Variants in IGSF11 observed in about 807,000 individuals in gnomAD.
The protein encoded by IGSF11 is immunoglobulin superfamily member 11, also known as CXADR like 1.
IGSF11 carries 22 observed loss-of-function variants against 41.0 expected under a neutral mutation model. The observed-to-expected ratio is 0.54, with a 90% CI of 0.38 to 0.77. The LOEUF is 0.77. Ranked by LOEUF, IGSF11 falls within the 30% of genes least tolerant of loss-of-function variation. The pLI is 0.00. For synonymous variants in IGSF11, 219 were observed against 201.3 expected (o/e 1.09, Z -0.74); for missense variants, 444 against 530.8 (o/e 0.84, Z 1.61).
intron 1 of IGSF11, among the ~76,000 whole-genome samples, chr3:119,116,261 T>G (rs888729973): frequency 6.6e-6 from 1 of 152,136 alleles, no homozygotes; most frequent in South Asian, 2.1e-4. Flanking sequence ...TGCTCTTTTT[T>G]TTTCCTGCCT....
intron 1 of IGSF11, among the ~76,000 whole-genome samples, chr3:119,074,527 C>A (rs906904841): frequency 3.3e-5 from 5 of 151,386 alleles, no homozygotes; most frequent in Admixed American, 1.3e-4. Flanking sequence ...TTAAGAGGAA[C>A]GTTTATAGTG....
chr3:119,032,265 C>T lies in IGSF11; in HGVS notation c.52+2266G>A, dbSNP rs1229169277. On this transcript the variant is annotated intron_variant, in intron 1 of 6. Transcript: ENST00000393775. ...GAACCAGCTTTGTTCAGATATACAC[C>T]CCTCCTGCTATTCCACATTGAAAAT... 2.0e-5 allele frequency among the ~76,000 whole-genome samples: 3 copies of T among 152,044 alleles called. No homozygotes were observed. The East Asian group carries it at 5.8e-4, about 29-fold the overall frequency.
chr3:119,048,246 G>A (rs75453883), intron 1 of IGSF11, among the ~76,000 whole-genome samples: 26,403 of 151,682 alleles, frequency 0.17, 2,788 homozygotes, highest in South Asian at 0.29. Flanking sequence ...TTGATAGACC[G>A]CTAGCAAGAC....
intron 1 of IGSF11, among the ~76,000 whole-genome samples, chr3:118,944,169 T>C (rs919545736): frequency 2.0e-5 from 3 of 152,236 alleles, no homozygotes; most frequent in African/African-American, 7.2e-5. Context: ...CTTCAGTTTT[T>C]AACATACAAA....
At chr3:119,140,364 G>C (rs992323732) in intron 1 of IGSF11, among the ~76,000 whole-genome samples, 10 of 152,096 alleles carry the variant, frequency 6.6e-5, no homozygotes, top group African/African-American at 2.2e-4. Flanking sequence ...GACAAAAATT[G>C]TTACTTGAAA....
At position 119,021,151 on chromosome 3, in the gene IGSF11, C is replaced by T. The variant is rs905164248; in HGVS notation, c.52+13380G>A. Among the ~76,000 whole-genome samples, 5 of 152,212 alleles carry T rather than the reference C, an allele frequency of 3.3e-5. 1 individual carries two copies. The highest frequency in any genetic ancestry group is 1.9e-4 in the East Asian group (1 of 5,184). On this transcript the variant is annotated intron_variant, in intron 1 of 6. Coordinates refer to ENST00000393775, the MANE Select transcript of IGSF11 (RefSeq NM_001015887.3). Reference sequence around the variant, plus strand: ...ATCTTTTGGCCACAGGTTAAAATCCCTTATACAATACAAATGTAGGCAGTG... The same window carrying T: ...ATCTTTTGGCCACAGGTTAAAATCCTTTATACAATACAAATGTAGGCAGTG...
chr3:119,028,683 C>A (rs1157958973), intron 1 of IGSF11, among the ~76,000 whole-genome samples: 1 of 140,014 alleles, frequency 7.1e-6, no homozygotes. Context: ...GAATAAACTT[C>A]CACAGAAGTT....
intron 1 of IGSF11, among the ~76,000 whole-genome samples, chr3:119,001,760 T>C (rs1038326959): frequency 1.3e-5 from 2 of 150,600 alleles, no homozygotes; most frequent in South Asian, 4.2e-4. Context: ...CTGAGAATGA[T>C]GGTTTCCAGT....
chr3:118,905,587 T>G lies in IGSF11; in HGVS notation c.703+9A>C, dbSNP rs773750880. ...CCCATGGTTGACATCAGAATTTCCA[T>G]ATGCTTACGTGAAATAACCTGGAGA... On this transcript the variant is annotated intron_variant, in intron 5 of 6. Transcript: ENST00000393775. 2 of 1,613,694 alleles carry G rather than the reference T, an allele frequency of 1.2e-6. No individual in the cohort carries two copies. Among genetic ancestry groups the G allele is most frequent in the Admixed American group, 1.7e-5 (1 of 59,996 alleles).
At chr3:118,920,362 A>G (rs1423631065) in intron 4 of IGSF11, among the ~76,000 whole-genome samples, 1 of 151,452 alleles carries the variant, frequency 6.6e-6, no homozygotes, top group Admixed American at 6.6e-5. Context: ...ATAAATAAAT[A>G]AATAGAAAAC....
chr3:119,038,895 C>T (rs561954676), upstream of IGSF11, among the ~76,000 whole-genome samples: 25 of 152,190 alleles, frequency 1.6e-4, no homozygotes, highest in Non-Finnish European at 2.4e-4. Flanking sequence ...GGTTAGAGAC[C>T]TTGATTTATT....
chr3:119,045,548 G>A lies in IGSF11; in HGVS notation c.49+59596C>T, dbSNP rs920889009. On this transcript the variant is annotated intron_variant, in intron 1 of 6. Coordinates refer to the IGSF11 transcript ENST00000354673. ...CAGCAGTCTGAGATCAAACTGCAAG[G>A]CGGCAGTGAGGCTGGGGGAGGGGCG... 6.6e-5 allele frequency among the ~76,000 whole-genome samples: 10 copies of A among 152,150 alleles called. 1 individual carries two copies. The highest frequency in any genetic ancestry group is 2.4e-4 in the African/African-American group (10 of 41,446).
Position 118,902,961 on chromosome 3 carries a change from T to C in IGSF11, c.855A>G (p.Arg285=), listed in dbSNP as rs1362059659. The C allele has an allele frequency of 6.2e-7, 1 of 1,612,526 alleles. No homozygotes were observed. Among genetic ancestry groups the C allele is most frequent in the Admixed American group, 1.7e-5 (1 of 59,956 alleles). ...AACACTTGGGTGGAAGATCATCCTC[T>C]CTGAAAGGAACAAAATAAAGTCGTT... ...EEEEEIPNEI[R]EDDLPPKCSS... Residue 285 remains arginine, a splice_region_variant and synonymous_variant, in exon 7 of 7, where the codon AGA becomes AGG. Transcript: ENST00000393775.
intron 1 of IGSF11, chr3:118,948,412 T>C (rs554022492): frequency 3.6e-4 from 55 of 152,224 alleles, no homozygotes; most frequent in African/African-American, 1.1e-3. Context: ...GAAAGCAGCA[T>C]GCTCAGCCCC....
intron 1 of IGSF11, among the ~76,000 whole-genome samples, chr3:119,020,130 G>T (rs1290666771): frequency 2.0e-5 from 3 of 152,290 alleles, no homozygotes; most frequent in Non-Finnish European, 2.9e-5. Context: ...ATAAATTTCT[G>T]TTGTTTATAA....
intron 1 of IGSF11, among the ~76,000 whole-genome samples, chr3:119,142,819 A>G (rs1049961504): frequency 6.6e-6 from 1 of 152,204 alleles, no homozygotes; most frequent in Non-Finnish European, 1.5e-5. Context: ...TCAAAAGAGA[A>G]AGACATTTTG....
chr3:119,042,210 C>G lies in IGSF11; in HGVS notation c.49+62934G>C, dbSNP rs62273463. On this transcript the variant is annotated intron_variant, in intron 1 of 6. Coordinates refer to the IGSF11 transcript ENST00000354673. ...GCAAAGAAGCCATTCCTGGCCTTATCTGACAGAGGTCCTTGGGGAAGAGAA... is the reference window on the plus strand; with the variant it reads ...GCAAAGAAGCCATTCCTGGCCTTATGTGACAGAGGTCCTTGGGGAAGAGAA... Among the ~76,000 whole-genome samples, 333 of 152,326 alleles carry G rather than the reference C, an allele frequency of 2.2e-3. 2 individuals carry two copies. The highest frequency in any genetic ancestry group is 3.5e-3 in the Non-Finnish European group (238 of 68,038).
chr3:119,044,709 C>A (rs375963936), intron 1 of IGSF11, among the ~76,000 whole-genome samples: 2 of 152,186 alleles, frequency 1.3e-5, no homozygotes, highest in Admixed American at 6.5e-5. Flanking sequence ...CAGACTAACA[C>A]CAGATTTCTC....
At chr3:118,982,276 C>T (rs1036034322) in intron 1 of IGSF11, among the ~76,000 whole-genome samples, 5 of 152,160 alleles carry the variant, frequency 3.3e-5, no homozygotes, top group African/African-American at 9.7e-5. Context: ...AGAGAGAGAC[C>T]ACAATACCAA....
Sources: allele counts gnomAD v4.1 joint callset (sites outside exome capture counted in the v4.1 genomes callset), GRCh38; gene constraint gnomAD v4.1.1; transcripts MANE v1.5; gene names NCBI Gene and HGNC (gene_info 2026-07-23, HGNC 2026-07-21).